The following CES5A variants were observed in gnomAD, a reference collection of about 807,000 sequenced individuals.
The protein encoded by CES5A is carboxylesterase 5.
CES5A carries 67 observed loss-of-function variants against 62.9 expected under a neutral mutation model. That is an observed-to-expected ratio of 1.07 (90% confidence interval 0.88 to 1.31). The LOEUF (loss-of-function observed/expected upper bound fraction) is 1.31. Ranked by LOEUF, CES5A falls within the 50% of genes most tolerant of loss-of-function variation. The probability of loss-of-function intolerance (pLI) is 0.00; values close to 1 mark genes in which losing one functional copy is unlikely to be tolerated. For synonymous variants in CES5A, 296 were observed against 280.8 expected, an observed-to-expected ratio of 1.05 and a Z score of -0.54; for missense variants, 748 against 708.5, an observed-to-expected ratio of 1.06 and a Z score of -0.63.
At chr16:55,871,133 G>A (rs1684993820) in intron 3 of CES5A, among the ~76,000 whole-genome samples, 3 of 152,226 alleles carry the variant, frequency 2.0e-5, no homozygotes, top group Admixed American at 6.5e-5. Context: ...GCAGAGGCAT[G>A]AGGAAGAGAA....
At chr16:55,871,066 C>T (rs887428993) in intron 3 of CES5A, among the ~76,000 whole-genome samples, 5 of 152,142 alleles carry the variant, frequency 3.3e-5, no homozygotes, top group Admixed American at 1.3e-4. Context: ...GTGCCTGGCA[C>T]ACAGCAAGCA....
chr16:55,932,912 AG>A (rs1212058523), intron 2 of CES5A, among the ~76,000 whole-genome samples: 1 of 152,264 alleles, frequency 6.6e-6, no homozygotes, highest in Non-Finnish European at 1.5e-5. Context: ...GACATTAATT[AG>A]GTGACTATTC....
chr16:55,939,318 A>G (rs2034422267), intron 2 of CES5A, among the ~76,000 whole-genome samples: 1 of 152,060 alleles, frequency 6.6e-6, no homozygotes, highest in South Asian at 2.1e-4. Flanking sequence ...GTTGAGGTCC[A>G]CCCCACTCAC....
chr16:55,950,416 C>T (rs56324494), intron 1 of CES5A, among the ~76,000 whole-genome samples: 3,474 of 152,114 alleles, frequency 0.023, 138 homozygotes, highest in African/African-American at 0.078. Context: ...AGCACACATA[C>T]AAAATTATCA....
chr16:55,884,051 C>A (rs527306265), intron 1 of CES5A, among the ~76,000 whole-genome samples: 1 of 152,194 alleles, frequency 6.6e-6, no homozygotes, highest in Admixed American at 6.5e-5. Flanking sequence ...CACAGTCACC[C>A]AAATAAACAA....
At chr16:55,898,652 G>A (rs775493107) in intron 1 of CES5A, among the ~76,000 whole-genome samples, 21 of 152,168 alleles carry the variant, frequency 1.4e-4, no homozygotes, top group Non-Finnish European at 2.8e-4. Context: ...CTCCAATTAC[G>A]GAAAAAAGGT....
intron 1 of CES5A, among the ~76,000 whole-genome samples, chr16:55,923,830 A>T (rs1263698352): frequency 6.6e-6 from 1 of 152,064 alleles, no homozygotes; most frequent in East Asian, 1.9e-4. Context: ...TGCTTATCTC[A>T]ATAGATGTCA....
intron 1 of CES5A, among the ~76,000 whole-genome samples, chr16:55,953,543 C>A (rs1394370308): frequency 6.6e-6 from 1 of 151,510 alleles, no homozygotes; most frequent in Non-Finnish European, 1.5e-5. Flanking sequence ...TGACCCTATT[C>A]ACAAAAGGAA....
chr16:55,922,610 AC>A (rs2034217501), intron 1 of CES5A, among the ~76,000 whole-genome samples: 1 of 151,894 alleles, frequency 6.6e-6, no homozygotes, highest in Non-Finnish European at 1.5e-5. Context: ...AAATTTTAAC[AC>A]CCCACTCTTG....
chr16:55,944,530 C>T, intron 2 of CES5A: 1 of 158,016 alleles, frequency 6.3e-6, no homozygotes, highest in Non-Finnish European at 1.4e-5. Flanking sequence ...AGCCAGGGGG[C>T]CGTCTGCTTT....
chr16:55,885,418 A>G (rs2033805391), intron 1 of CES5A, among the ~76,000 whole-genome samples: 1 of 152,186 alleles, frequency 6.6e-6, no homozygotes, highest in Non-Finnish European at 1.5e-5. Context: ...TTAAACATGC[A>G]AAGATTTTAT....
At chr16:55,910,969 C>A (rs2034086965) in intron 1 of CES5A, among the ~76,000 whole-genome samples, 1 of 152,218 alleles carries the variant, frequency 6.6e-6, no homozygotes, top group East Asian at 1.9e-4. Context: ...GCCTGTCTCA[C>A]ACGATTTCCC....
At chr16:55,924,043 A>G (rs916921390) in intron 1 of CES5A, among the ~76,000 whole-genome samples, 5 of 151,946 alleles carry the variant, frequency 3.3e-5, no homozygotes, top group Admixed American at 1.3e-4. Context: ...TTTATTCAGT[A>G]TAGTACTGAA....
chr16:55,923,122 G>C (rs1334334194), intron 1 of CES5A, among the ~76,000 whole-genome samples: 1 of 150,708 alleles, frequency 6.6e-6, no homozygotes, highest in Non-Finnish European at 1.5e-5. Context: ...TGCACTTCAA[G>C]CAATTAGAAA....
chr16:55,955,963 T>C, exon 1 of CES5A: 1 of 1,421,636 alleles, frequency 7.0e-7, no homozygotes, highest in Non-Finnish European at 9.6e-7. Flanking sequence ...CTCTTGCACA[T>C]CATGTACATG....
intron 9 of CES5A, among the ~76,000 whole-genome samples, chr16:55,854,534 T>TCTGTTTTCTTTCTTTA (rs1555479321): frequency 2.6e-4 from 3 of 11,474 alleles, no homozygotes; most frequent in African/African-American, 9.7e-4. Context: ...AGTGTTTCTT[T>TCTGTTTTCTTTCTTTA]TTTTTTTTTC....
rs77485217 is a variant in CES5A at position 55,906,402 on chromosome 16, C to G, written c.-256+18921G>C. Among the ~76,000 whole-genome samples, 500 of 152,268 alleles carry G rather than the reference C, an allele frequency of 3.3e-3. 4 individuals carry two copies. The highest frequency in any genetic ancestry group is 0.011 in the African/African-American group (459 of 41,548). On this transcript the variant is annotated intron_variant, in intron 1 of 12. Transcript: ENST00000518005. ...CTCCCAGTCAGCAAAGAGTTGGGAA[C>G]AGGGTGGTCACAGAGGAGCCAAGCC...
chr16:55,928,759 G>A (rs1267856664), upstream of CES5A, among the ~76,000 whole-genome samples: 4 of 152,172 alleles, frequency 2.6e-5, no homozygotes, highest in African/African-American at 9.6e-5. Flanking sequence ...AACCAATTGA[G>A]ATGTCTATGG....
At chr16:55,942,123 T>C (rs1411975621) in intron 2 of CES5A, among the ~76,000 whole-genome samples, 1 of 152,192 alleles carries the variant, frequency 6.6e-6, no homozygotes, top group Non-Finnish European at 1.5e-5. Context: ...ACCATAAAGC[T>C]TCTAGAATAA....
Sources: gnomAD v4.1 joint callset for allele counts (sites outside exome capture counted in the v4.1 genomes callset) on GRCh38, gnomAD v4.1.1 for gene constraint, MANE v1.5 for transcripts, NCBI Gene and HGNC (gene_info 2026-07-23, HGNC 2026-07-21) for gene names.